The following LOC128092253 variants were observed in gnomAD, a reference collection of about 807,000 sequenced individuals.
the LOC128092253 span, among the ~76,000 whole-genome samples, chr6:133,972,564 G>A: frequency 0.056 from 8,504 of 152,172 alleles, 814 homozygotes; most frequent in African/African-American, 0.19. Flanking sequence ...GTTGTGCTGC[G>A]TAGTCATTAT....
chr6:133,972,214 C>CTA, the LOC128092253 span, among the ~76,000 whole-genome samples: 4 of 152,176 alleles, frequency 2.6e-5, no homozygotes, highest in Non-Finnish European at 5.9e-5. Context: ...TAAAAAAAGT[C>CTA]TGTCTACATA....
At chr6:133,964,088 G>A in the LOC128092253 span, among the ~76,000 whole-genome samples, 1 of 152,046 alleles carries the variant, frequency 6.6e-6, no homozygotes, top group African/African-American at 2.4e-5. Context: ...TATCACTCTT[G>A]TGTGTTCTGT....
At chr6:133,973,031 A>C in the LOC128092253 span, among the ~76,000 whole-genome samples, 25 of 152,232 alleles carry the variant, frequency 1.6e-4, no homozygotes, top group Non-Finnish European at 2.8e-4. Flanking sequence ...TCAAACAGAT[A>C]CGAAAGAACA....
the LOC128092253 span, among the ~76,000 whole-genome samples, chr6:133,960,904 G>A: frequency 0.078 from 11,893 of 152,286 alleles, 448 homozygotes; most frequent in Non-Finnish European, 0.085. Context: ...CTGAAGGTCA[G>A]TAGGTGTGTT....
At chr6:133,962,886 A>G in the LOC128092253 span, among the ~76,000 whole-genome samples, 7 of 152,224 alleles carry the variant, frequency 4.6e-5, no homozygotes, top group African/African-American at 1.7e-4. Flanking sequence ...TCAGTTAAGA[A>G]CTTCTGATTT....
At chr6:133,972,041 A>G in the LOC128092253 span, among the ~76,000 whole-genome samples, 2 of 152,196 alleles carry the variant, frequency 1.3e-5, no homozygotes, top group South Asian at 2.1e-4. Context: ...TCTGTGCTTT[A>G]TCTTAGAATA....
chr6:133,978,018 G>A, the LOC128092253 span, among the ~76,000 whole-genome samples: 1 of 152,116 alleles, frequency 6.6e-6, no homozygotes, highest in South Asian at 2.1e-4. Context: ...GTGGCCAGTT[G>A]GCTATACCAG....
chr6:133,978,316 T>C, the LOC128092253 span, among the ~76,000 whole-genome samples: 1 of 152,230 alleles, frequency 6.6e-6, no homozygotes, highest in East Asian at 1.9e-4. Context: ...CTAAGTACTT[T>C]TCATACATTA....
At chr6:133,961,486 TGA>T in the LOC128092253 span, among the ~76,000 whole-genome samples, 1 of 120,782 alleles carries the variant, frequency 8.3e-6, no homozygotes, top group Non-Finnish European at 1.8e-5. Context: ...TTTTTTTTTT[TGA>T]GACGGAGTCG....
the LOC128092253 span, among the ~76,000 whole-genome samples, chr6:133,975,925 T>A: frequency 6.6e-5 from 10 of 152,196 alleles, no homozygotes; most frequent in African/African-American, 2.4e-4. Flanking sequence ...CTTAAATATA[T>A]GGTAGTGCCA....
the LOC128092253 span, among the ~76,000 whole-genome samples, chr6:133,959,924 A>G: frequency 1.3e-5 from 2 of 152,240 alleles, no homozygotes; most frequent in Non-Finnish European, 2.9e-5. Context: ...CAACATTTAT[A>G]GGGCCTGTTA....
At chr6:133,964,416 TG>T in the LOC128092253 span, among the ~76,000 whole-genome samples, 3 of 151,892 alleles carry the variant, frequency 2.0e-5, no homozygotes, top group Admixed American at 2.0e-4. Context: ...TTGAACTGTT[TG>T]TTTTTTTTGT....
At chr6:133,967,358 T>TTTA in the LOC128092253 span, among the ~76,000 whole-genome samples, 1 of 152,336 alleles carries the variant, frequency 6.6e-6, no homozygotes, top group South Asian at 2.1e-4. Flanking sequence ...GTTAATATTC[T>TTTA]TTATATATTA....
the LOC128092253 span, among the ~76,000 whole-genome samples, chr6:133,978,897 A>G: frequency 1.3e-5 from 2 of 152,200 alleles, no homozygotes; most frequent in African/African-American, 4.8e-5. Context: ...AGGAATTTTA[A>G]AAACAACTAT....
At chr6:133,960,030 G>A in the LOC128092253 span, among the ~76,000 whole-genome samples, 14 of 152,286 alleles carry the variant, frequency 9.2e-5, no homozygotes, top group South Asian at 2.1e-3. Flanking sequence ...AGCCGCAAGC[G>A]TTTTTCCTCT....
the LOC128092253 span, among the ~76,000 whole-genome samples, chr6:133,979,426 A>G: frequency 1.2e-4 from 19 of 152,092 alleles, no homozygotes; most frequent in African/African-American, 3.9e-4. Flanking sequence ...CCAGAGTCCA[A>G]CCCTTGAACG....
At chr6:133,955,038 G>T in the LOC128092253 span, among the ~76,000 whole-genome samples, 2 of 152,084 alleles carry the variant, frequency 1.3e-5, no homozygotes, top group African/African-American at 4.8e-5. Context: ...TGCATTTTAA[G>T]ACATTAAGAA....
chr6:133,966,176 ACT>A, the LOC128092253 span, among the ~76,000 whole-genome samples: 2 of 152,030 alleles, frequency 1.3e-5, no homozygotes, highest in Non-Finnish European at 2.9e-5. Flanking sequence ...TTACAGTTAA[ACT>A]CTGCAGACAT....
chr6:133,968,592 A>G, the LOC128092253 span, among the ~76,000 whole-genome samples: 1,030 of 152,368 alleles, frequency 6.8e-3, 15 homozygotes, highest in African/African-American at 0.021. Flanking sequence ...ACAAATGAGA[A>G]CAGGAGCAGT....
Sources: allele counts gnomAD v4.1 joint callset (sites outside exome capture counted in the v4.1 genomes callset), GRCh38; gene constraint gnomAD v4.1.1; transcripts MANE v1.5.